The following DCC variants were observed in gnomAD, a reference collection of about 807,000 sequenced individuals.
The protein encoded by DCC is DCC netrin 1 receptor.
Under a neutral mutation model 172.5 loss-of-function variants are expected in DCC, and 58 were observed. The observed-to-expected ratio is 0.34, with a 90% CI of 0.27 to 0.42. The LOEUF (loss-of-function observed/expected upper bound fraction) is 0.42. Among genes scored for constraint, DCC ranks in the 10% least tolerant of loss-of-function variants. DCC has a pLI of 1.00. For synonymous variants in DCC, 709 were observed against 644.5 expected (o/e 1.10, Z -1.52); for missense variants, 1,740 against 1,791.0 (o/e 0.97, Z 0.51).
At chr18:52,761,541 A>G (rs1313085436) in intron 2 of DCC, among the ~76,000 whole-genome samples, 3 of 152,208 alleles carry the variant, frequency 2.0e-5, no homozygotes, top group Admixed American at 2.0e-4. Context: ...ATAACAATAA[A>G]ACAACAATGA....
intron 5 of DCC, among the ~76,000 whole-genome samples, chr18:52,980,904 C>T (rs1027732214): frequency 4.7e-5 from 7 of 149,742 alleles, no homozygotes; most frequent in African/African-American, 7.3e-5. Flanking sequence ...ATTAATAAGT[C>T]ACAAACCTTC....
chr18:53,160,389 A>C (rs4636988), intron 8 of DCC, among the ~76,000 whole-genome samples: 62,067 of 151,886 alleles, frequency 0.41, 13,576 homozygotes, highest in East Asian at 0.71. Flanking sequence ...TATCCCTTAT[A>C]GTTCCTGTTT....
intron 23 of DCC, among the ~76,000 whole-genome samples, chr18:53,453,835 GT>G (rs1233836692): frequency 1.3e-5 from 2 of 151,768 alleles, no homozygotes; most frequent in South Asian, 2.1e-4. Context: ...TTTTTTGTTG[GT>G]TTTTTTGTCC....
intron 5 of DCC, among the ~76,000 whole-genome samples, chr18:53,033,638 C>G (rs2042054407): frequency 6.6e-6 from 1 of 152,128 alleles, no homozygotes; most frequent in African/African-American, 2.4e-5. Context: ...TCTTCTGTCT[C>G]TCCTGCATCA....
chr18:53,522,382 T>G (rs531366127), intron 27 of DCC, among the ~76,000 whole-genome samples: 1 of 152,216 alleles, frequency 6.6e-6, no homozygotes, highest in South Asian at 2.1e-4. Context: ...TGGCTATTGT[T>G]GAGTTAGAAA....
chr18:53,349,111 T>C (rs1260228883), intron 15 of DCC, among the ~76,000 whole-genome samples: 1 of 152,188 alleles, frequency 6.6e-6, no homozygotes, highest in Admixed American at 6.5e-5. Flanking sequence ...ACTGGATGCC[T>C]TTAATGGCAC....
intron 5 of DCC, among the ~76,000 whole-genome samples, chr18:52,969,584 A>ACTCTCACTCTCT (rs2040991405): frequency 8.4e-6 from 1 of 119,440 alleles, no homozygotes; most frequent in African/African-American, 3.3e-5. Flanking sequence ...CCCGCCCCCC[A>ACTCTCACTCTCT]CTCTCTCTCT....
At chr18:52,804,676 C>G (rs900532542) in intron 2 of DCC, among the ~76,000 whole-genome samples, 1 of 152,166 alleles carries the variant, frequency 6.6e-6, no homozygotes, top group Non-Finnish European at 1.5e-5. Context: ...AAGCGATTCT[C>G]CTGCTTGAAC....
intron 15 of DCC, among the ~76,000 whole-genome samples, chr18:53,341,534 A>C (rs2057659738): frequency 6.6e-6 from 1 of 152,192 alleles, no homozygotes; most frequent in Admixed American, 6.5e-5. Flanking sequence ...ATGAGTTTGC[A>C]CTCTACAACT....
intron 5 of DCC, among the ~76,000 whole-genome samples, chr18:53,035,822 G>A (rs1244681480): frequency 4.2e-4 from 64 of 151,962 alleles, no homozygotes; most frequent in Non-Finnish European, 7.4e-5. Context: ...ATTTGATCCA[G>A]TTTTTCTCCT....
intron 1 of DCC, among the ~76,000 whole-genome samples, chr18:52,703,336 G>T (rs2036156620): frequency 6.6e-6 from 1 of 151,958 alleles, no homozygotes; most frequent in South Asian, 2.1e-4. Context: ...CCCTATATTT[G>T]GATGCCTTCA....
intron 15 of DCC, among the ~76,000 whole-genome samples, chr18:53,355,934 G>C (rs2057873442): frequency 6.6e-6 from 1 of 151,946 alleles, no homozygotes. Context: ...GGGAATTGTT[G>C]AGATACTTCA....
intron 12 of DCC, among the ~76,000 whole-genome samples, chr18:53,249,563 G>T (rs1598946140): frequency 6.6e-6 from 1 of 151,914 alleles, no homozygotes; most frequent in Non-Finnish European, 1.5e-5. Context: ...ATGTGGGGTA[G>T]AATTAATTAC....
At chr18:53,260,269 G>C (rs2056578782) in intron 12 of DCC, among the ~76,000 whole-genome samples, 1 of 152,184 alleles carries the variant, frequency 6.6e-6, no homozygotes, top group African/African-American at 2.4e-5. Flanking sequence ...TTTAGAGGAG[G>C]AGAGGCGTTC....
At position 52,865,111 on chromosome 18, in the gene DCC, C is replaced by T. The variant is rs192416826; in HGVS notation, c.413-40933C>T. Among the ~76,000 whole-genome samples the T allele has an allele frequency of 7.6e-3, 1,154 of 152,008 alleles. 17 individuals are homozygous for T. The highest frequency in any genetic ancestry group is 0.026 in the African/African-American group (1,077 of 41,456). ...TGATCTCCTGACCTCGTGATCCTCC[C>T]GCCTTGGCCTCCCAAAGTGCTGGGA... On this transcript the variant is annotated intron_variant, in intron 2 of 28. Coordinates refer to ENST00000442544, the MANE Select transcript of DCC (RefSeq NM_005215.4).
intron 5 of DCC, among the ~76,000 whole-genome samples, chr18:53,000,412 T>C (rs2041546075): frequency 6.6e-6 from 1 of 151,872 alleles, no homozygotes; most frequent in African/African-American, 2.4e-5. Context: ...TAAGGAGGGA[T>C]TGGGAAACAA....
chr18:52,887,644 T>C (rs550933986), intron 2 of DCC, among the ~76,000 whole-genome samples: 64 of 152,316 alleles, frequency 4.2e-4, no homozygotes, highest in Admixed American at 3.3e-3. Flanking sequence ...TCCCTGTGGA[T>C]ACCAGAGAAT....
At chr18:53,401,301 CTCT>C (rs1909276865) in intron 18 of DCC, among the ~76,000 whole-genome samples, 1 of 152,100 alleles carries the variant, frequency 6.6e-6, no homozygotes, top group Non-Finnish European at 1.5e-5. Context: ...TTCCCCCCTC[CTCT>C]TCTAATTCTC....
At chr18:52,588,112 A>C (rs1034314814) in intron 1 of DCC, among the ~76,000 whole-genome samples, 2 of 152,178 alleles carry the variant, frequency 1.3e-5, no homozygotes, top group African/African-American at 4.8e-5. Flanking sequence ...AGTTTCCACC[A>C]AAGTCCAGTA....
Sources: gnomAD v4.1 joint callset for allele counts (sites outside exome capture counted in the v4.1 genomes callset) on GRCh38, gnomAD v4.1.1 for gene constraint, MANE v1.5 for transcripts, NCBI Gene and HGNC (gene_info 2026-07-23, HGNC 2026-07-21) for gene names.